The following LRP1B variants were observed in gnomAD, a reference collection of about 807,000 sequenced individuals.
The protein encoded by LRP1B is low-density lipoprotein receptor-related protein 1B.
In LRP1B, 217 loss-of-function variants were observed where a neutral mutation model predicts 556.6. The ratio of observed to expected loss-of-function variants is 0.39; its 90% CI spans 0.35 to 0.44. The LOEUF is 0.44. LRP1B is among the 20% of genes least tolerant of loss of function. The probability of loss-of-function intolerance (pLI) is 1.00; values close to 1 mark genes in which losing one functional copy is unlikely to be tolerated. For synonymous variants in LRP1B, 2,047 were observed against 1,865.8 expected (o/e 1.10, Z -2.50); for missense variants, 5,053 against 5,620.8 (o/e 0.90, Z 3.23).
intron 6 of LRP1B, among the ~76,000 whole-genome samples, chr2:141,220,896 C>T (rs746729745): frequency 8.6e-4 from 131 of 152,150 alleles, no homozygotes; most frequent in Non-Finnish European, 1.6e-3. Context: ...TACCACCAGG[C>T]CTGCCTTGAA....
chr2:141,058,713 T>C (rs1375075979), intron 9 of LRP1B, among the ~76,000 whole-genome samples, 170 bp downstream of exon 9: 1 of 151,856 alleles, frequency 6.6e-6, no homozygotes, highest in Non-Finnish European at 1.5e-5. Flanking sequence ...CAATCTGTCA[T>C]TTAGACTTGT....
chr2:140,720,967 GC>G (rs1166724184), intron 35 of LRP1B, among the ~76,000 whole-genome samples: 2 of 152,004 alleles, frequency 1.3e-5, no homozygotes, highest in Non-Finnish European at 2.9e-5. Flanking sequence ...TCACTGTTCT[GC>G]ATTTACCATG....
At chr2:141,874,204 A>G (rs1443941502) in intron 1 of LRP1B, among the ~76,000 whole-genome samples, 1 of 149,168 alleles carries the variant, frequency 6.7e-6, no homozygotes, top group Non-Finnish European at 1.5e-5. Flanking sequence ...CAGCTGGCAT[A>G]CATTTCACTG....
At chr2:141,691,637 T>A (rs903644290) in intron 2 of LRP1B, among the ~76,000 whole-genome samples, 2 of 151,982 alleles carry the variant, frequency 1.3e-5, no homozygotes, top group African/African-American at 4.8e-5. Context: ...AGGAGCTGCA[T>A]CTAGACTTCT....
At chr2:140,871,343 C>G (rs1190842127) in intron 25 of LRP1B, among the ~76,000 whole-genome samples, 1 of 151,822 alleles carries the variant, frequency 6.6e-6, no homozygotes, top group East Asian at 1.9e-4. Context: ...TGCTCACACA[C>G]ATATTGATAG....
At chr2:141,805,140 T>A (rs1574379939) in intron 2 of LRP1B, among the ~76,000 whole-genome samples, 1 of 152,244 alleles carries the variant, frequency 6.6e-6, no homozygotes, top group South Asian at 2.1e-4. Context: ...TTGCTTTCTG[T>A]GCAATTTATC....
chr2:141,583,324 A>G (rs912907789), intron 2 of LRP1B, among the ~76,000 whole-genome samples: 2 of 152,344 alleles, frequency 1.3e-5, no homozygotes, highest in East Asian at 3.9e-4. Context: ...AAGGAGAGAA[A>G]GAAGTCATAG....
intron 7 of LRP1B, among the ~76,000 whole-genome samples, chr2:141,127,890 T>C (rs1265376426): frequency 6.6e-6 from 1 of 152,192 alleles, no homozygotes; most frequent in Non-Finnish European, 1.5e-5. Flanking sequence ...ATAGTCCTAT[T>C]CAAAGCATGT....
At chr2:141,906,506 T>A (rs1310838173) in intron 1 of LRP1B, among the ~76,000 whole-genome samples, 3 of 152,154 alleles carry the variant, frequency 2.0e-5, no homozygotes, top group East Asian at 1.9e-4. Context: ...CAAGTTTTTT[T>A]ATCTTAATTG....
intron 7 of LRP1B, among the ~76,000 whole-genome samples, chr2:141,103,841 G>C (rs1348691551): frequency 6.6e-6 from 1 of 151,744 alleles, no homozygotes; most frequent in East Asian, 1.9e-4. Context: ...TTGGTTTCTG[G>C]TGGTTTTGGT....
intron 15 of LRP1B, among the ~76,000 whole-genome samples, chr2:140,999,297 C>T (rs1173465083): frequency 6.6e-6 from 1 of 151,978 alleles, no homozygotes; most frequent in African/African-American, 2.4e-5. Flanking sequence ...CTCAAATAAG[C>T]ACTTATTTGT....
At chr2:141,139,775 G>A (rs74810845) in intron 7 of LRP1B, among the ~76,000 whole-genome samples, 8,814 of 128,098 alleles carry the variant, frequency 0.069, 530 homozygotes, top group African/African-American at 0.18. Context: ...CAGCCACATT[G>A]GAAAAATGTG....
At chr2:141,095,138 G>A (rs539590001) in intron 7 of LRP1B, among the ~76,000 whole-genome samples, 5 of 152,008 alleles carry the variant, frequency 3.3e-5, no homozygotes, top group East Asian at 3.9e-4. Flanking sequence ...CTCACTAGAC[G>A]ATGGCCCTTC....
At chr2:141,863,814 T>G (rs974794588) in intron 1 of LRP1B, among the ~76,000 whole-genome samples, 3 of 152,182 alleles carry the variant, frequency 2.0e-5, no homozygotes, top group African/African-American at 7.2e-5. Flanking sequence ...CTACACCAAC[T>G]TCTAGTATAT....
chr2:140,475,275 G>T lies in LRP1B; in HGVS notation c.9488C>A (p.Thr3163Asn), dbSNP rs2105348053. ...PHIGRVGMDG[T>N]NQSVVIETKI... ...GGTTTCTATGACAACACTCTGATTG[G>T]TTCCATCCATTCCAACACGGCCAAT... Residue 3163 changes from threonine (T) to asparagine (N), a missense_variant, in exon 60 of 91, where the codon ACC (threonine) becomes AAC (asparagine). By Grantham distance (65) the Thr-to-Asn change is moderately conservative (BLOSUM62 0). Around this residue, in one of 5 missense-constraint regions of LRP1B, gnomAD observed 3,619 missense variants for 3,931.9 expected, o/e 0.92. Coordinates refer to ENST00000389484, the MANE Select transcript of LRP1B (RefSeq NM_018557.3). 1 of 1,611,594 alleles carries T rather than the reference G, an allele frequency of 6.2e-7. No individual in the cohort carries two copies. Among genetic ancestry groups the T allele is most frequent in the Non-Finnish European group, 8.5e-7 (1 of 1,178,520 alleles).
chr2:140,338,610 G>T (rs1039707423), intron 77 of LRP1B, among the ~76,000 whole-genome samples: 28 of 151,698 alleles, frequency 1.8e-4, no homozygotes, highest in Admixed American at 1.7e-3. Context: ...TTGAATGGAT[G>T]TTCACTGGAA....
chr2:141,792,014 T>C (rs1396107083), intron 2 of LRP1B, among the ~76,000 whole-genome samples: 1 of 150,596 alleles, frequency 6.6e-6, no homozygotes, highest in African/African-American at 2.5e-5. Flanking sequence ...AAGCAGTTTT[T>C]CATAATAATT....
chr2:141,187,013 C>T (rs1681291591), intron 7 of LRP1B, among the ~76,000 whole-genome samples: 1 of 152,014 alleles, frequency 6.6e-6, no homozygotes, highest in South Asian at 2.1e-4. Context: ...GTTATCACAT[C>T]CAGGGAAAAA....
chr2:140,964,229 A>C (rs1696127077), intron 18 of LRP1B, among the ~76,000 whole-genome samples: 1 of 152,146 alleles, frequency 6.6e-6, no homozygotes, highest in South Asian at 2.1e-4. Flanking sequence ...TACTACTGCT[A>C]TCTGGAAGGC....
Sources: allele counts gnomAD v4.1 joint callset (sites outside exome capture counted in the v4.1 genomes callset), GRCh38; gene constraint gnomAD v4.1.1; regional missense constraint gnomAD v4.1.1; transcripts MANE v1.5; gene names NCBI Gene and HGNC (gene_info 2026-07-23, HGNC 2026-07-21).